The following MAST2 variants were observed in gnomAD, a reference collection of about 807,000 sequenced individuals.
MAST2 encodes microtubule-associated serine/threonine-protein kinase 2.
A neutral mutation model predicts 147.4 loss-of-function variants in MAST2; 70 were observed. The ratio of observed to expected loss-of-function variants is 0.47; its 90% confidence interval spans 0.39 to 0.58. MAST2 has a LOEUF of 0.58. Among genes scored for constraint, MAST2 ranks in the 20% least tolerant of loss-of-function variants. The pLI is 0.00. For missense variants in MAST2, 2,080 were observed against 2,302.3 expected (o/e 0.90, Z 1.98); for synonymous variants, 869 against 896.8 (o/e 0.97, Z 0.55).
chr1:45,999,545 C>T (rs1056563024), intron 6 of MAST2, among the ~76,000 whole-genome samples: 1 of 152,172 alleles, frequency 6.6e-6, no homozygotes, highest in African/African-American at 2.4e-5. Flanking sequence ...GTCAGGCGCA[C>T]TCGGCTGGGT....
chr1:45,848,267 AC>A (rs1224350995), intron 3 of MAST2, among the ~76,000 whole-genome samples: 1 of 152,234 alleles, frequency 6.6e-6, no homozygotes, highest in Non-Finnish European at 1.5e-5. Flanking sequence ...GTATCTGGAA[AC>A]TTGAATGGTA....
At position 46,035,675 on chromosome 1, in the gene MAST2, C is replaced by A. The variant is rs767728544; in HGVS notation, c.5006C>A (p.Ser1669Tyr). ...CTTATTGAGGGCCCAGACAGGGCATCCCCAAGCAGAAAGGCAACCATGGCA... is the reference window on the plus strand; with the variant it reads ...CTTATTGAGGGCCCAGACAGGGCATACCCAAGCAGAAAGGCAACCATGGCA... ...KSLIEGPDRASPSRKATMAGG... is the reference protein window; with the variant it reads ...KSLIEGPDRAYPSRKATMAGG... The change falls in exon 29 of 29, where the codon TCC (serine) becomes TAC (tyrosine). Residue 1669 changes from serine to tyrosine, a missense_variant. Physicochemically the swap from Ser to Tyr is moderately radical, Grantham distance 144 (BLOSUM62 -2). Around this residue, in one of 4 missense-constraint regions of MAST2, gnomAD observed 1,278 missense variants for 1,304.2 expected, o/e 0.98. Coordinates refer to ENST00000361297, the MANE Select transcript of MAST2 (RefSeq NM_015112.3). This position sits in a 1 kb window ranked among gnomAD's most constrained non-coding sequence, Gnocchi z 5.5. 8.1e-6 allele frequency: 13 copies of A among 1,613,806 alleles called. No individual in the cohort carries two copies. Among genetic ancestry groups the A allele is most frequent in the Middle Eastern group, 1.6e-4 (1 of 6,084 alleles).
intron 3 of MAST2, among the ~76,000 whole-genome samples, chr1:45,880,631 A>G (rs1570512079): frequency 6.6e-6 from 1 of 152,336 alleles, no homozygotes; most frequent in Non-Finnish European, 1.5e-5. Context: ...TTTTAGCAAA[A>G]ATAATTTTAT....
At chr1:46,029,682 C>G (rs1224563676) in intron 19 of MAST2, 115 bp downstream of exon 19, 11 of 1,342,418 alleles carry the variant, frequency 8.2e-6, no homozygotes, top group Non-Finnish European at 1.1e-5. Flanking sequence ...GATCCTGAAA[C>G]TCTGCCCTGC....
At chr1:45,926,289 G>A (rs1654349372) in intron 4 of MAST2, among the ~76,000 whole-genome samples, 1 of 152,206 alleles carries the variant, frequency 6.6e-6, no homozygotes. Flanking sequence ...TACCTGGGCT[G>A]CTAGACTGGT....
chr1:46,009,370 C>G (rs753980002), intron 9 of MAST2, among the ~76,000 whole-genome samples: 2 of 152,112 alleles, frequency 1.3e-5, no homozygotes, highest in Non-Finnish European at 2.9e-5. Flanking sequence ...ATTTGCATGT[C>G]CTTTTCAACA....
intron 10 of MAST2, among the ~76,000 whole-genome samples, chr1:46,013,481 G>T (rs1471454314): frequency 6.6e-6 from 1 of 152,136 alleles, no homozygotes; most frequent in African/African-American, 2.4e-5. Context: ...GGGAGTTCCA[G>T]ACCAGCCTGA....
At chr1:46,013,051 GT>G (rs943158627) in intron 10 of MAST2, among the ~76,000 whole-genome samples, 1 of 152,016 alleles carries the variant, frequency 6.6e-6, no homozygotes, top group African/African-American at 2.4e-5. Flanking sequence ...ATCATCCAAT[GT>G]GACAAATTGA....
intron 3 of MAST2, among the ~76,000 whole-genome samples, chr1:45,860,846 C>A: frequency 6.6e-6 from 1 of 151,950 alleles, no homozygotes; most frequent in African/African-American, 2.4e-5. Context: ...AAAAAAAAAT[C>A]TTACTACTCC....
At chr1:45,917,532 A>G (rs1652754215) in intron 4 of MAST2, 1 of 1,366,254 alleles carries the variant, frequency 7.3e-7, no homozygotes, top group Admixed American at 1.9e-5. Context: ...ACTGCCGTGG[A>G]GGTAAGGAAA....
At chr1:45,813,284 A>G (rs539168072) in intron 1 of MAST2, among the ~76,000 whole-genome samples, 2 of 152,144 alleles carry the variant, frequency 1.3e-5, no homozygotes, top group South Asian at 2.1e-4. Flanking sequence ...GTTTTAGTCA[A>G]TGATGGATGA....
At chr1:45,932,866 C>T (rs578254494) in intron 4 of MAST2, among the ~76,000 whole-genome samples, 12 of 151,790 alleles carry the variant, frequency 7.9e-5, no homozygotes, top group Non-Finnish European at 1.3e-4. Context: ...AACTTTCTGC[C>T]CTGAGAAGAT....
chr1:45,850,879 A>G (rs1340806336), intron 3 of MAST2, among the ~76,000 whole-genome samples: 1 of 142,424 alleles, frequency 7.0e-6, no homozygotes, highest in African/African-American at 2.6e-5. Flanking sequence ...CTTATAGTAT[A>G]GTCTGAAGCT....
intron 5 of MAST2, among the ~76,000 whole-genome samples, chr1:45,985,727 T>C (rs1035317241): frequency 2.0e-5 from 3 of 152,216 alleles, no homozygotes; most frequent in Admixed American, 2.0e-4. Flanking sequence ...CTTAACAATA[T>C]CAAATCTTTT....
intron 4 of MAST2, among the ~76,000 whole-genome samples, chr1:45,951,905 C>A (rs1258154700): frequency 6.6e-6 from 1 of 152,152 alleles, no homozygotes; most frequent in African/African-American, 2.4e-5. Context: ...CCTTCCAGAA[C>A]TGATTAGAAA....
At chr1:46,007,075 C>T (rs978738045) in intron 8 of MAST2, among the ~76,000 whole-genome samples, 6 of 152,170 alleles carry the variant, frequency 3.9e-5, no homozygotes, top group Admixed American at 6.5e-5. Flanking sequence ...GATTAATTTT[C>T]GATTCTCTTT....
chr1:45,806,722 C>T (rs995868136), intron 1 of MAST2, among the ~76,000 whole-genome samples: 1 of 152,164 alleles, frequency 6.6e-6, no homozygotes, highest in Non-Finnish European at 1.5e-5. Context: ...GGATTACAGG[C>T]ATGCACCACC....
At chr1:46,033,440 A>T (rs1374549542) in intron 26 of MAST2, among the ~76,000 whole-genome samples, 53 of 140,442 alleles carry the variant, frequency 3.8e-4, no homozygotes, top group African/African-American at 1.4e-3. Flanking sequence ...CTCTGTCTTA[A>T]AAAAAAAAAA....
At chr1:45,879,802 A>C (rs537049153) in intron 3 of MAST2, among the ~76,000 whole-genome samples, 1 of 152,296 alleles carries the variant, frequency 6.6e-6, no homozygotes, top group East Asian at 1.9e-4. Flanking sequence ...AAGATACTCA[A>C]CATCGTTAGT....
Sources: allele counts gnomAD v4.1 joint callset (sites outside exome capture counted in the v4.1 genomes callset), GRCh38; gene constraint gnomAD v4.1.1; regional missense constraint gnomAD v4.1.1; non-coding constraint Gnocchi (gnomAD v3.1); transcripts MANE v1.5; gene names NCBI Gene and HGNC (gene_info 2026-07-23, HGNC 2026-07-21).